Variants in WDR25 observed in about 807,000 individuals in gnomAD.
WDR25 encodes the protein WD repeat-containing protein 25.
A neutral mutation model predicts 47.7 loss-of-function variants in WDR25; 35 were observed. The ratio of observed to expected loss-of-function variants is 0.73; its 90% confidence interval spans 0.56 to 0.97. The LOEUF (loss-of-function observed/expected upper bound fraction) is 0.97, where lower values mean the gene tolerates loss of function less well. WDR25 is among the 50% of genes least tolerant of loss of function. The probability of loss-of-function intolerance (pLI) is 0.00; values close to 1 mark genes in which losing one functional copy is unlikely to be tolerated. For missense variants in WDR25, 634 were observed against 704.7 expected (o/e 0.90, Z 1.14); for synonymous variants, 248 against 278.9 (o/e 0.89, Z 1.10).
chr14:100,474,584 T>G (rs1899955113), intron 3 of WDR25, among the ~76,000 whole-genome samples: 1 of 152,208 alleles, frequency 6.6e-6, no homozygotes, highest in Non-Finnish European at 1.5e-5. Flanking sequence ...GCTATTGGAA[T>G]GGCGAGTTCC....
In WDR25 at chr14:100,492,657, T is replaced by G. The variant is rs529867830; in HGVS notation, c.1101+8533T>G. Among the ~76,000 whole-genome samples, 9 of 152,336 alleles carry G rather than the reference T, an allele frequency of 5.9e-5. No individual in the cohort carries two copies. The South Asian group carries it at 1.9e-3, about 32-fold the overall frequency. ...AGCTCTGTGCTGCACTGAACATGCT[T>G]CTTCTTAAGGTTTTTAAAAATTTAT... On this transcript the variant is annotated intron_variant, in intron 4 of 6. Coordinates refer to ENST00000402312, the MANE Select transcript of WDR25 (RefSeq NM_001161476.3).
At position 100,484,050 on chromosome 14, in the gene WDR25, C is replaced by A; in HGVS notation, c.1027C>A (p.Pro343Thr). 7 of 1,613,840 alleles carry A rather than the reference C, an allele frequency of 4.3e-6. No individual in the cohort carries two copies. The highest frequency in any genetic ancestry group is 5.9e-6 in the Non-Finnish European group (7 of 1,179,916). ...TAGAATCACTACCTTGAAATTCCATCCAAAAGACCACAACATCTTTTTATG... is the reference window on the plus strand; with the variant it reads ...TAGAATCACTACCTTGAAATTCCATACAAAAGACCACAACATCTTTTTATG... ...DFRITTLKFH[P>T]KDHNIFLCGG... is the part of the protein sequence containing the mutation. Residue 343 changes from proline to threonine, a missense_variant, in exon 4 of 7, where the codon CCA (proline) becomes ACA (threonine). Physicochemically the swap from Pro to Thr is conservative, Grantham distance 38. Coordinates refer to ENST00000402312, the MANE Select transcript of WDR25 (RefSeq NM_001161476.3).
chr14:100,476,457 A>G (rs1900020657), intron 3 of WDR25: 1 of 152,206 alleles, frequency 6.6e-6, no homozygotes, highest in Non-Finnish European at 1.5e-5. Context: ...ACACAAGCTC[A>G]ATTACCACAA....
Position 100,378,749 on chromosome 14 carries a change from G to A in WDR25, c.-15-2161G>A, listed in dbSNP as rs1432334473. ...CGAGGCGGGCGGATCACGAGGTCAG[G>A]AGATCGAGACCATCCCGGCTAAAAC... On this transcript the variant is annotated intron_variant, in intron 1 of 6. Coordinates refer to ENST00000402312, the MANE Select transcript of WDR25 (RefSeq NM_001161476.3). 7.6e-5 allele frequency among the ~76,000 whole-genome samples: 2 copies of A among 26,312 alleles called. 1 individual carries two copies. The highest frequency in any genetic ancestry group is 1.4e-3 in the East Asian group (2 of 1,420). 17.3% of individuals were successfully genotyped at this position (26,312 alleles called of 152,430 possible). A position where few individuals can be genotyped will look rare whatever the true frequency, so the allele number is the denominator to read the frequency against.
chr14:100,519,915 A>G lies in WDR25; in HGVS notation c.1102-5955A>G, dbSNP rs993513178. On this transcript the variant is annotated intron_variant, in intron 4 of 6. Coordinates refer to ENST00000402312, the MANE Select transcript of WDR25 (RefSeq NM_001161476.3). Reference sequence around the variant, plus strand: ...ATATATGTATACTAGATGTATATATAGTATATATACTATATATACACTATA... The same window carrying G: ...ATATATGTATACTAGATGTATATATGGTATATATACTATATATACACTATA... 9.1e-5 allele frequency among the ~76,000 whole-genome samples: 13 copies of G among 143,004 alleles called. No homozygotes were observed. The Admixed American group carries it at 9.4e-4, about 10-fold the overall frequency. The allele number at this position is 143,004 out of a possible 152,430, so 93.8% of individuals were successfully genotyped here. A position where few individuals can be genotyped will look rare whatever the true frequency, so the allele number is the denominator to read the frequency against.
chr14:100,395,927 G>T (rs1344597810), intron 2 of WDR25, among the ~76,000 whole-genome samples: 3 of 151,334 alleles, frequency 2.0e-5, no homozygotes, highest in Admixed American at 6.6e-5. Context: ...TGGAAACTTT[G>T]CTGGGAGCTA....
intron 4 of WDR25, among the ~76,000 whole-genome samples, chr14:100,512,393 T>C (rs1054011483): frequency 6.6e-6 from 1 of 152,224 alleles, no homozygotes; most frequent in African/African-American, 2.4e-5. Flanking sequence ...ATAAAGTTTT[T>C]TGTAATGTTA....
chr14:100,403,904 A>T (rs1817043794), intron 2 of WDR25, among the ~76,000 whole-genome samples: 1 of 152,164 alleles, frequency 6.6e-6, no homozygotes, highest in Admixed American at 6.5e-5. Flanking sequence ...ATAAGAATGG[A>T]TGATGGACCC....
intron 2 of WDR25, among the ~76,000 whole-genome samples, chr14:100,400,870 C>A (rs567741916): frequency 8.5e-5 from 13 of 152,252 alleles, no homozygotes; most frequent in African/African-American, 2.4e-4. Flanking sequence ...ATAATGGACC[C>A]CACACAGTAG....
intron 3 of WDR25, among the ~76,000 whole-genome samples, chr14:100,479,278 C>T (rs1034169819): frequency 1.3e-5 from 2 of 152,142 alleles, no homozygotes; most frequent in Non-Finnish European, 2.9e-5. Flanking sequence ...CCTGTGCTCC[C>T]TGAGCAGGGG....
chr14:100,429,361 C>A (rs1309396372), intron 2 of WDR25, among the ~76,000 whole-genome samples: 1 of 152,142 alleles, frequency 6.6e-6, no homozygotes, highest in Non-Finnish European at 1.5e-5. Flanking sequence ...GCATGCAGGA[C>A]CTGGAGTGAA....
intron 2 of WDR25, among the ~76,000 whole-genome samples, chr14:100,418,849 G>C (rs1234527537): frequency 6.6e-6 from 1 of 151,946 alleles, no homozygotes; most frequent in Admixed American, 6.6e-5. Flanking sequence ...GTGTGGAGTG[G>C]TCCCTACACC....
At chr14:100,450,575 GTCAC>G (rs1898996117) in intron 2 of WDR25, among the ~76,000 whole-genome samples, 1 of 152,228 alleles carries the variant, frequency 6.6e-6, no homozygotes, top group Non-Finnish European at 1.5e-5. Context: ...GTGAATGAGA[GTCAC>G]TCAGTCACTC....
chr14:100,484,733 C>A (rs1015094841), intron 4 of WDR25, among the ~76,000 whole-genome samples: 2 of 152,188 alleles, frequency 1.3e-5, no homozygotes, highest in Non-Finnish European at 2.9e-5. Flanking sequence ...CTGCTCTTTG[C>A]ATCACATTCC....
chr14:100,526,133 G>A, intron 5 of WDR25, 93 bp downstream of exon 5: 1 of 1,445,450 alleles, frequency 6.9e-7, no homozygotes, highest in Non-Finnish European at 9.4e-7. Context: ...CCCTTCTGTG[G>A]GAGGAGGCTC....
Position 100,449,186 on chromosome 14 carries a change from A to G in WDR25, c.823-18835A>G, listed in dbSNP as rs907615032. Among the ~76,000 whole-genome samples, 2 of 152,192 alleles carry G rather than the reference A, an allele frequency of 1.3e-5. No individual in the cohort carries two copies. The highest frequency in any genetic ancestry group is 2.9e-5 in the Non-Finnish European group (2 of 68,032). On this transcript the variant is annotated intron_variant, in intron 2 of 6. Transcript: ENST00000402312. This position sits in a 1 kb window ranked among gnomAD's most constrained non-coding sequence, Gnocchi z 4.2. Reference sequence around the variant, plus strand: ...AGAGCATCCTTTACTGGGCTTCTGGATGGAATTTTTGGAGCAAAGGGTTAG... The same window carrying G: ...AGAGCATCCTTTACTGGGCTTCTGGGTGGAATTTTTGGAGCAAAGGGTTAG...
intron 2 of WDR25, among the ~76,000 whole-genome samples, chr14:100,446,895 A>T (rs1595096809): frequency 6.6e-6 from 1 of 152,334 alleles, no homozygotes; most frequent in East Asian, 1.9e-4. Context: ...TACATGGCCA[A>T]GCAGCTTCTG....
At position 100,529,817 on chromosome 14, in the gene WDR25, C is replaced by G; in HGVS notation, c.1414-3C>G. On this transcript the variant is annotated splice_polypyrimidine_tract_variant and splice_region_variant and intron_variant, in intron 6 of 6. Coordinates refer to ENST00000402312, the MANE Select transcript of WDR25 (RefSeq NM_001161476.3). This position sits in a 1 kb window ranked among gnomAD's most constrained non-coding sequence, Gnocchi z 5.1. Reference sequence around the variant, plus strand: ...TGCTCACCCACTGTGTCCCTCTCTGCAGGTGGAGGGCTACTCAGTGGGCTG... The same window carrying G: ...TGCTCACCCACTGTGTCCCTCTCTGGAGGTGGAGGGCTACTCAGTGGGCTG... 1.2e-6 allele frequency: 2 copies of G among 1,610,818 alleles called. No individual in the cohort carries two copies. Among genetic ancestry groups the G allele is most frequent in the Non-Finnish European group, 1.7e-6 (2 of 1,179,466 alleles).
At chr14:100,448,487 C>G (rs1468898383) in intron 2 of WDR25, among the ~76,000 whole-genome samples, 1 of 152,164 alleles carries the variant, frequency 6.6e-6, no homozygotes, top group African/African-American at 2.4e-5. Context: ...GGCCGTGAGT[C>G]ATGGGCCTGC....
Sources: gnomAD v4.1 joint callset for allele counts (sites outside exome capture counted in the v4.1 genomes callset) on GRCh38, gnomAD v4.1.1 for gene constraint, Gnocchi (gnomAD v3.1) non-coding constraint, MANE v1.5 for transcripts, NCBI Gene and HGNC (gene_info 2026-07-23, HGNC 2026-07-21) for gene names.